The following TENM4 variants were observed in gnomAD, a reference collection of about 807,000 sequenced individuals.
TENM4 encodes teneurin-4.
A neutral mutation model predicts 243.3 loss-of-function variants in TENM4; 82 were observed. The observed-to-expected ratio is 0.34, with a 90% confidence interval of 0.28 to 0.40. The LOEUF (loss-of-function observed/expected upper bound fraction) is 0.40. Ranked by LOEUF, TENM4 falls within the 10% of genes least tolerant of loss-of-function variation. TENM4 has a pLI of 1.00. For synonymous variants in TENM4, 1,412 were observed against 1,456.3 expected, an observed-to-expected ratio of 0.97 and a Z score of 0.69; for missense variants, 3,138 against 3,673.3, an observed-to-expected ratio of 0.85 and a Z score of 3.77.
intron 6 of TENM4, among the ~76,000 whole-genome samples, chr11:79,030,698 G>A (rs971127236): frequency 6.6e-6 from 1 of 152,092 alleles, no homozygotes; most frequent in African/African-American, 2.4e-5. Context: ...ACAATCCCCA[G>A]GAAGGAGTGA....
chr11:79,129,603 A>G (rs1030726039), intron 4 of TENM4, among the ~76,000 whole-genome samples: 1 of 151,982 alleles, frequency 6.6e-6, no homozygotes, highest in African/African-American at 2.4e-5. Context: ...GAGGCCTGTG[A>G]TTGCTGGCTT....
chr11:78,748,655 C>A (rs2135933397), intron 19 of TENM4, among the ~76,000 whole-genome samples: 1 of 152,248 alleles, frequency 6.6e-6, no homozygotes, highest in South Asian at 2.1e-4. Context: ...AGCCCTATGA[C>A]CATGGCCCAG....
At chr11:79,040,250 A>G (rs573895812) in intron 6 of TENM4, among the ~76,000 whole-genome samples, 10 of 152,290 alleles carry the variant, frequency 6.6e-5, no homozygotes, top group African/African-American at 2.2e-4. Context: ...ATTGACCTAA[A>G]AGAGTTGTGT....
chr11:78,952,240 C>T (rs775904293), intron 6 of TENM4, among the ~76,000 whole-genome samples: 1 of 152,222 alleles, frequency 6.6e-6, no homozygotes, highest in Non-Finnish European at 1.5e-5. Flanking sequence ...TATTTTCACT[C>T]TGATTAGTGA....
chr11:79,282,845 G>C (rs971247993), intron 2 of TENM4, among the ~76,000 whole-genome samples: 56 of 152,100 alleles, frequency 3.7e-4, no homozygotes, highest in African/African-American at 1.2e-3. Flanking sequence ...AAAAAGGCAG[G>C]AATTATAGCA....
At position 79,100,264 on chromosome 11, in the gene TENM4, G is replaced by T. The variant is rs577016180; in HGVS notation, c.-65-30255C>A. On this transcript the variant is annotated intron_variant, in intron 4 of 33. Coordinates refer to ENST00000278550, the MANE Select transcript of TENM4 (RefSeq NM_001098816.3). Reference sequence around the variant, plus strand: ...AAAAGCTCATCACCCTTAGGTCCCCGCCCCCTCCTACACATCACTGACATC... The same window carrying T: ...AAAAGCTCATCACCCTTAGGTCCCCTCCCCCTCCTACACATCACTGACATC... Among the ~76,000 whole-genome samples the T allele has an allele frequency of 3.3e-4, 50 of 151,574 alleles. 1 individual carries two copies. The South Asian group carries it at 0.01, about 31-fold the overall frequency.
intron 6 of TENM4, among the ~76,000 whole-genome samples, chr11:78,952,994 C>A (rs946973064): frequency 6.6e-6 from 1 of 152,130 alleles, no homozygotes; most frequent in African/African-American, 2.4e-5. Flanking sequence ...TGGTTAGCAG[C>A]TTCCCAGAGT....
intron 19 of TENM4, among the ~76,000 whole-genome samples, chr11:78,741,582 A>G (rs1855930883): frequency 6.6e-6 from 1 of 152,204 alleles, no homozygotes; most frequent in Non-Finnish European, 1.5e-5. Flanking sequence ...CTTTGTTTTT[A>G]ATGTACCTTA....
chr11:78,754,353 C>G (rs752028011), intron 19 of TENM4, among the ~76,000 whole-genome samples: 2 of 152,182 alleles, frequency 1.3e-5, no homozygotes, highest in African/African-American at 4.8e-5. Context: ...GCTGGAGCAA[C>G]AATACCGAGA....
intron 6 of TENM4, among the ~76,000 whole-genome samples, chr11:78,950,925 G>T (rs2136490669): frequency 6.6e-6 from 1 of 152,328 alleles, no homozygotes; most frequent in African/African-American, 2.4e-5. Context: ...CGAAGCCCCT[G>T]GCACACTGTA....
intron 4 of TENM4, among the ~76,000 whole-genome samples, chr11:79,120,881 C>A (rs1861731107): frequency 6.6e-6 from 1 of 152,082 alleles, no homozygotes; most frequent in Non-Finnish European, 1.5e-5. Flanking sequence ...ACTTGTTAAC[C>A]CCCACAGCAA....
At chr11:78,818,807 T>G (rs1249833053) in intron 12 of TENM4, among the ~76,000 whole-genome samples, 2 of 152,158 alleles carry the variant, frequency 1.3e-5, no homozygotes, top group Non-Finnish European at 2.9e-5. Context: ...GCAGCTGCCT[T>G]CATTTAGCAG....
chr11:79,270,094 TC>T (rs1565276980), intron 2 of TENM4, among the ~76,000 whole-genome samples: 1 of 151,700 alleles, frequency 6.6e-6, no homozygotes, highest in Non-Finnish European at 1.5e-5. Flanking sequence ...CAGGTTCCCA[TC>T]CCCCTAGCAC....
chr11:78,733,663 A>G (rs1245233152), intron 20 of TENM4, among the ~76,000 whole-genome samples: 1 of 152,188 alleles, frequency 6.6e-6, no homozygotes, highest in Non-Finnish European at 1.5e-5. Context: ...AAGAAAACTG[A>G]GTTCCTCCCT....
intron 1 of TENM4, among the ~76,000 whole-genome samples, chr11:79,361,223 C>T (rs955180787): frequency 1.3e-5 from 2 of 152,146 alleles, no homozygotes; most frequent in East Asian, 1.9e-4. Context: ...GATCATCCCC[C>T]GATCTCTGGT....
At chr11:78,814,618 C>G (rs1330589541) in intron 12 of TENM4, among the ~76,000 whole-genome samples, 1 of 152,132 alleles carries the variant, frequency 6.6e-6, no homozygotes, top group Non-Finnish European at 1.5e-5. Context: ...CTGCCTGAAC[C>G]AAATTTTTAT....
intron 9 of TENM4, among the ~76,000 whole-genome samples, chr11:78,870,836 C>A (rs1463406559): frequency 2.6e-5 from 4 of 152,158 alleles, no homozygotes; most frequent in African/African-American, 9.7e-5. Context: ...CTGGAGGGCA[C>A]TGAAAACTGG....
intron 6 of TENM4, among the ~76,000 whole-genome samples, chr11:78,991,152 C>T (rs373946493): frequency 1.1e-4 from 16 of 152,200 alleles, no homozygotes; most frequent in South Asian, 2.1e-4. Flanking sequence ...TGGCTGCTAC[C>T]GGCACTGAAT....
chr11:79,214,970 C>T (rs1213519943), intron 3 of TENM4, among the ~76,000 whole-genome samples: 3 of 152,232 alleles, frequency 2.0e-5, no homozygotes, highest in East Asian at 3.8e-4. Context: ...TAATTTATTA[C>T]TGCAGCATAA....
Sources: allele counts gnomAD v4.1 joint callset (sites outside exome capture counted in the v4.1 genomes callset), GRCh38; gene constraint gnomAD v4.1.1; transcripts MANE v1.5; gene names NCBI Gene and HGNC (gene_info 2026-07-23, HGNC 2026-07-21).